AXDND1: variants seen among roughly 807,000 people sequenced by gnomAD.
The protein encoded by AXDND1 is axonemal dynein light chain domain-containing protein 1.
In AXDND1, 110 loss-of-function variants were observed where a neutral mutation model predicts 137.5. That is an observed-to-expected ratio of 0.80 (90% CI 0.69 to 0.94). AXDND1 has a LOEUF of 0.94. Ranked by LOEUF, AXDND1 falls within the 40% of genes least tolerant of loss-of-function variation. The pLI, the probability that AXDND1 is intolerant of heterozygous loss-of-function variation, is 0.00. For missense variants in AXDND1, 1,191 were observed against 1,169.8 expected (o/e 1.02, Z -0.26); for synonymous variants, 414 against 399.7 (o/e 1.04, Z -0.43).
At chr1:179,407,408 G>A (rs984362220) in intron 11 of AXDND1, among the ~76,000 whole-genome samples, 38 of 151,928 alleles carry the variant, frequency 2.5e-4, no homozygotes, top group African/African-American at 9.0e-4. Context: ...TTGTATTTTA[G>A]TAGAGACGAG....
intron 15 of AXDND1, among the ~76,000 whole-genome samples, chr1:179,433,727 ATTGT>A (rs879774327): frequency 1.3e-5 from 2 of 151,870 alleles, no homozygotes; most frequent in African/African-American, 2.4e-5. Context: ...GGTCTGGGAG[ATTGT>A]TTGTTATGAT....
At chr1:179,511,861 CT>C (rs1370396440) in intron 21 of AXDND1, among the ~76,000 whole-genome samples, 5 of 151,994 alleles carry the variant, frequency 3.3e-5, no homozygotes, top group Non-Finnish European at 7.4e-5. Flanking sequence ...TGTGTCTCTT[CT>C]TTTGATAATT....
At chr1:179,462,207 T>C (rs1431386723) in intron 16 of AXDND1, among the ~76,000 whole-genome samples, 1 of 152,208 alleles carries the variant, frequency 6.6e-6, no homozygotes, top group African/African-American at 2.4e-5. Flanking sequence ...CTTATTATTT[T>C]GAGATACATC....
chr1:179,447,542 G>A (rs1659910410), intron 16 of AXDND1: 2 of 704,338 alleles, frequency 2.8e-6, no homozygotes, highest in Non-Finnish European at 4.5e-6. Flanking sequence ...GAAGCTACAG[G>A]CTATGTATAA....
At chr1:179,430,415 A>C in intron 13 of AXDND1, 37 bp from the exon 14 acceptor site, 1 of 1,478,854 alleles carries the variant, frequency 6.8e-7, no homozygotes, top group East Asian at 2.3e-5. Context: ...TATATACATA[A>C]ATGAATATAT....
At chr1:179,462,914 G>T (rs1463129370) in intron 16 of AXDND1, among the ~76,000 whole-genome samples, 2 of 152,114 alleles carry the variant, frequency 1.3e-5, no homozygotes, top group African/African-American at 4.8e-5. Context: ...TTGCGTAGAG[G>T]TGTTTATAGT....
At chr1:179,550,746 G>A in intron 25 of AXDND1, 1 of 223,866 alleles carries the variant, frequency 4.5e-6, no homozygotes, top group East Asian at 1.0e-4. Flanking sequence ...CTGCATCTTT[G>A]GGACAGAAGA....
At chr1:179,478,382 G>A (rs1443377667) in intron 17 of AXDND1, among the ~76,000 whole-genome samples, 3 of 152,218 alleles carry the variant, frequency 2.0e-5, no homozygotes, top group Non-Finnish European at 4.4e-5. Context: ...TTGAAATCTA[G>A]GCAAAGGTTC....
At chr1:179,380,451 A>G (rs919161922) in intron 6 of AXDND1, among the ~76,000 whole-genome samples, 20 of 152,140 alleles carry the variant, frequency 1.3e-4, no homozygotes, top group Non-Finnish European at 1.2e-4. Context: ...GATTATGGAG[A>G]CAAAGGAAAG....
intron 21 of AXDND1, among the ~76,000 whole-genome samples, chr1:179,519,741 G>A (rs920251552): frequency 6.6e-6 from 1 of 152,038 alleles, no homozygotes; most frequent in Non-Finnish European, 1.5e-5. Flanking sequence ...TTGTTCCATT[G>A]GTGTATGTGT....
intron 4 of AXDND1, among the ~76,000 whole-genome samples, chr1:179,377,171 A>C (rs1192852220): frequency 6.6e-6 from 1 of 152,126 alleles, no homozygotes; most frequent in Non-Finnish European, 1.5e-5. Flanking sequence ...ACCTCAAGTG[A>C]TCTGCCCCCT....
chr1:179,476,797 C>T (rs78323646), intron 17 of AXDND1, among the ~76,000 whole-genome samples: 3,701 of 152,220 alleles, frequency 0.024, 161 homozygotes, highest in African/African-American at 0.084. Flanking sequence ...GTTATTTTGA[C>T]TTCTAGCATT....
intron 17 of AXDND1, among the ~76,000 whole-genome samples, chr1:179,472,254 T>C (rs1044191578): frequency 1.3e-5 from 2 of 152,246 alleles, no homozygotes; most frequent in Non-Finnish European, 2.9e-5. Context: ...GATTTATTCA[T>C]TGACCCATTG....
At chr1:179,540,115 G>A (rs1221468749) in intron 25 of AXDND1, among the ~76,000 whole-genome samples, 1 of 151,850 alleles carries the variant, frequency 6.6e-6, no homozygotes, top group East Asian at 1.9e-4. Flanking sequence ...AAGGTTTTTA[G>A]CTTCCTTGAG....
intron 16 of AXDND1, among the ~76,000 whole-genome samples, chr1:179,464,472 G>A (rs910160702): frequency 6.6e-6 from 1 of 152,138 alleles, no homozygotes; most frequent in African/African-American, 2.4e-5. Context: ...TAGAGCTTCT[G>A]CCAAGAGATC....
Position 179,430,721 on chromosome 1 carries a change from G to A in AXDND1, c.1487+115G>A. The A allele has an allele frequency of 3.4e-6, 4 of 1,179,736 alleles. No individual in the cohort carries two copies. The South Asian group carries it at 6.3e-5, about 18-fold the overall frequency. 73.1% of individuals were successfully genotyped at this position (1,179,736 alleles called of 1,614,324 possible). ...TGTAATCACTCTAACATTGATTTTG[G>A]GGAGCAGTCCCTATGAAGGCACAAT... On this transcript the variant is annotated intron_variant, in intron 14 of 25. Transcript: ENST00000367618.
chr1:179,513,387 A>G (rs1403803636), intron 21 of AXDND1, among the ~76,000 whole-genome samples: 2 of 152,084 alleles, frequency 1.3e-5, no homozygotes, highest in Non-Finnish European at 2.9e-5. Context: ...TGTATGTTAA[A>G]CCATCCCTGC....
chr1:179,526,044 C>T (rs1325040603), intron 22 of AXDND1, among the ~76,000 whole-genome samples: 3 of 152,040 alleles, frequency 2.0e-5, no homozygotes, highest in Non-Finnish European at 4.4e-5. Flanking sequence ...ATTAACTACA[C>T]AATCTACTTC....
chr1:179,461,824 G>A (rs1571936396), intron 16 of AXDND1, among the ~76,000 whole-genome samples: 1 of 152,224 alleles, frequency 6.6e-6, no homozygotes, highest in African/African-American at 2.4e-5. Context: ...TTGTGAGTGG[G>A]AGTTCACTCA....
Sources: allele counts gnomAD v4.1 joint callset (sites outside exome capture counted in the v4.1 genomes callset), GRCh38; gene constraint gnomAD v4.1.1; transcripts MANE v1.5; gene names NCBI Gene and HGNC (gene_info 2026-07-23, HGNC 2026-07-21).